ZNF680: variants seen among roughly 807,000 people sequenced by gnomAD.
ZNF680 encodes the protein hypothetical protein FLJ90430.
Under a neutral mutation model 12.1 loss-of-function variants are expected in ZNF680, and 6 were observed. The observed-to-expected ratio is 0.49, with a 90% CI of 0.27 to 0.98. The LOEUF is 0.98. Among genes scored for constraint, ZNF680 ranks in the 50% least tolerant of loss-of-function variants. The probability of loss-of-function intolerance (pLI) is 0.12; values close to 1 mark genes in which losing one functional copy is unlikely to be tolerated. For missense variants in ZNF680, 561 were observed against 616.3 expected (o/e 0.91, Z 0.95); for synonymous variants, 170 against 199.3 (o/e 0.85, Z 1.24).
chr7:64,541,185 A>C (rs1786482192), intron 3 of ZNF680, among the ~76,000 whole-genome samples: 2 of 152,198 alleles, frequency 1.3e-5, no homozygotes, highest in Non-Finnish European at 2.9e-5. Context: ...AAAATCCTGT[A>C]ATTCCTGTTT....
rs894458467 is a variant in ZNF680, at chr7:64,525,721, T to C, written c.254-3221A>G. 7.1e-6 allele frequency: 6 copies of C among 850,922 alleles called. No homozygotes were observed. The African/African-American group carries it at 9.2e-5, about 13-fold the overall frequency. 52.7% of individuals were successfully genotyped at this position (850,922 alleles called of 1,614,324 possible). On this transcript the variant is annotated intron_variant, in intron 3 of 3. Transcript: ENST00000309683. ...AAATAGACATACCTAAAAGAGATTA[T>C]GATCGTTTGTAAATTATCTTTAAAT... is the stretch of plus-strand genomic sequence containing the variant.
chr7:64,548,529 T>A (rs866013075), intron 1 of ZNF680, among the ~76,000 whole-genome samples: 2 of 152,232 alleles, frequency 1.3e-5, no homozygotes, highest in African/African-American at 4.8e-5. Flanking sequence ...GTTTATCTAT[T>A]TGAGTCTCCA....
chr7:64,550,254 T>C (rs1412187350), intron 1 of ZNF680, among the ~76,000 whole-genome samples: 2 of 152,240 alleles, frequency 1.3e-5, no homozygotes, highest in African/African-American at 2.4e-5. Flanking sequence ...GTGTGGGTTA[T>C]AGTGTCCAGT....
At position 64,521,028 on chromosome 7, in the gene ZNF680, C is replaced by T; in HGVS notation, c.*133G>A. ...TGGTTAAGTTTTGTCACATTCTTTA[C>T]ACTTATAAAGTTTTCTCCAATATAA... On this transcript the variant is annotated 3_prime_UTR_variant, in exon 4 of 4. Coordinates refer to ENST00000309683, the MANE Select transcript of ZNF680 (RefSeq NM_178558.5). 2.0e-5 allele frequency: 20 copies of T among 993,982 alleles called. No individual in the cohort carries two copies. The highest frequency in any genetic ancestry group is 2.6e-5 in the Non-Finnish European group (18 of 688,800). 61.6% of individuals were successfully genotyped at this position (993,982 alleles called of 1,614,324 possible).
chr7:64,544,331 C>T lies in ZNF680; in HGVS notation c.132G>A (p.Glu44=). 6.2e-7 allele frequency: 1 copy of T among 1,604,004 alleles called. No homozygotes were observed. ...QRNLYRKVMF[E]NYRNLVFLGI... Reference sequence around the variant, plus strand: ...CCAGGAAGACCAGGTTTCTGTAGTTCTCAAACATCACTTTCCTATATAAAT... The same window carrying T: ...CCAGGAAGACCAGGTTTCTGTAGTTTTCAAACATCACTTTCCTATATAAAT... Residue 44 remains glutamate, a synonymous_variant, in exon 2 of 4, where the codon GAG becomes GAA. Coordinates refer to ENST00000309683, the MANE Select transcript of ZNF680 (RefSeq NM_178558.5).
At chr7:64,528,140 A>C (rs1048076393) in intron 3 of ZNF680, among the ~76,000 whole-genome samples, 3 of 152,152 alleles carry the variant, frequency 2.0e-5, no homozygotes, top group Non-Finnish European at 2.9e-5. Context: ...GAAGCAGCAG[A>C]AAAGGCCCTA....
At chr7:64,554,273 C>G (rs970631187) in intron 1 of ZNF680, among the ~76,000 whole-genome samples, 8 of 151,832 alleles carry the variant, frequency 5.3e-5, no homozygotes, top group African/African-American at 1.9e-4. Context: ...TCTGCCCTGC[C>G]GCCAACCCGT....
chr7:64,526,467 G>A (rs1562741410), intron 3 of ZNF680: 4 of 1,303,828 alleles, frequency 3.1e-6, no homozygotes, highest in South Asian at 1.4e-5. Flanking sequence ...AAGGCAGTAA[G>A]ATAACTTGAG....
chr7:64,562,525 T>C (rs921926123), intron 1 of ZNF680, among the ~76,000 whole-genome samples: 4 of 152,180 alleles, frequency 2.6e-5, no homozygotes, highest in African/African-American at 9.6e-5. Context: ...TGAACCACTC[T>C]TCTATTACAT....
intron 1 of ZNF680, among the ~76,000 whole-genome samples, chr7:64,557,484 G>C (rs1301417049): frequency 6.6e-6 from 1 of 151,988 alleles, no homozygotes; most frequent in Non-Finnish European, 1.5e-5. Flanking sequence ...GAATCCGGGA[G>C]GCAGAGGTTG....
intron 3 of ZNF680, among the ~76,000 whole-genome samples, chr7:64,529,119 A>T (rs1199621220): frequency 6.6e-6 from 1 of 152,210 alleles, no homozygotes; most frequent in Non-Finnish European, 1.5e-5. Context: ...TCCACAGGAA[A>T]AGGGTAGAAT....
chr7:64,547,249 G>A (rs560170093), intron 1 of ZNF680, among the ~76,000 whole-genome samples: 182 of 152,224 alleles, frequency 1.2e-3, no homozygotes, highest in African/African-American at 4.2e-3. Flanking sequence ...CTCTTCCTGG[G>A]CTCATTATTA....
At chr7:64,534,212 A>C (rs1786036755) in intron 3 of ZNF680, among the ~76,000 whole-genome samples, 1 of 152,222 alleles carries the variant, frequency 6.6e-6, no homozygotes, top group Non-Finnish European at 1.5e-5. Flanking sequence ...AGGAACAGTC[A>C]GCAGAGTAAA....
chr7:64,511,165 G>A, the ZNF680 span, among the ~76,000 whole-genome samples: 2 of 151,888 alleles, frequency 1.3e-5, no homozygotes, highest in Admixed American at 1.3e-4. Context: ...AGCTACTTGG[G>A]AGGCTAAGGC....
At chr7:64,515,992 A>T (rs771590685), downstream of ZNF680, among the ~76,000 whole-genome samples, 18 of 152,218 alleles carry the variant, frequency 1.2e-4, no homozygotes, top group Middle Eastern at 3.4e-3. Flanking sequence ...TCCTGGGCCA[A>T]GATCTCAGCC....
rs887288478 is a variant in ZNF680 at position 64,520,074 on chromosome 7, G to A, written c.*1087C>T. 2 of 151,508 alleles carry A rather than the reference G, an allele frequency of 1.3e-5. No homozygotes were observed. The highest frequency in any genetic ancestry group is 4.8e-5 in the African/African-American group (2 of 41,340). The allele number at this position is 151,508 out of a possible 1,614,324, so 9.4% of individuals were successfully genotyped here. ...ATATTACTCCAAACACCTACCTCAT[G>A]CATCACTCAATATGAAAAGTAAACT... On this transcript the variant is annotated 3_prime_UTR_variant, in exon 4 of 4. Transcript: ENST00000309683.
chr7:64,535,710 G>A lies in ZNF680; in HGVS notation c.253+7997C>T, dbSNP rs548494083. 1.9e-3 allele frequency among the ~76,000 whole-genome samples: 291 copies of A among 152,080 alleles called. 1 individual carries two copies. Among genetic ancestry groups the A allele is most frequent in the Non-Finnish European group, 2.6e-3 (178 of 67,996 alleles). ...TGTAATCCCAGCACTTTGGGAGTCC[G>A]AAGCAGGTGAATCACTTGAGGTCAG... is the stretch of plus-strand genomic sequence containing the variant. On this transcript the variant is annotated intron_variant, in intron 3 of 3. Coordinates refer to ENST00000309683, the MANE Select transcript of ZNF680 (RefSeq NM_178558.5).
chr7:64,526,160 T>C (rs997399798), intron 3 of ZNF680: 53 of 904,502 alleles, frequency 5.9e-5, no homozygotes, highest in Non-Finnish European at 6.7e-5. Flanking sequence ...ATCAAGTACA[T>C]CAATATATTC....
chr7:64,531,552 G>A lies in ZNF680; in HGVS notation c.254-9052C>T, dbSNP rs184087848. Among the ~76,000 whole-genome samples, 31 of 146,030 alleles carry A rather than the reference G, an allele frequency of 2.1e-4. No individual in the cohort carries two copies. The East Asian group carries it at 4.4e-3, about 21-fold the overall frequency. On this transcript the variant is annotated intron_variant, in intron 3 of 3. Coordinates refer to ENST00000309683, the MANE Select transcript of ZNF680 (RefSeq NM_178558.5). ...GTGGAGCTTGCAGTGAGCCAAGATCGTGCCACTGCACTCCAGCCTGGGCAA... is the reference window on the plus strand; with the variant it reads ...GTGGAGCTTGCAGTGAGCCAAGATCATGCCACTGCACTCCAGCCTGGGCAA...
Sources: allele counts gnomAD v4.1 joint callset (sites outside exome capture counted in the v4.1 genomes callset), GRCh38; gene constraint gnomAD v4.1.1; transcripts MANE v1.5; gene names NCBI Gene and HGNC (gene_info 2026-07-23, HGNC 2026-07-21).